SCYL3: variants seen among roughly 807,000 people sequenced by gnomAD.
SCYL3 encodes SCY1 like pseudokinase 3, also known as protein-associating with the carboxyl-terminal domain of ezrin.
In SCYL3, 35 loss-of-function variants were observed where a neutral mutation model predicts 73.8. The observed-to-expected ratio is 0.47, with a 90% CI of 0.36 to 0.63. The LOEUF is 0.63. Among genes scored for constraint, SCYL3 ranks in the 20% least tolerant of loss-of-function variants. SCYL3 has a pLI of 0.00. For synonymous variants in SCYL3, 277 were observed against 295.2 expected (o/e 0.94, Z 0.63); for missense variants, 712 against 798.9 (o/e 0.89, Z 1.31).
In SCYL3 at chr1:169,864,524, GAAAGCCC is replaced by G. The variant is rs765813478; in HGVS notation, c.816-23_816-17del. On this transcript the variant is annotated splice_polypyrimidine_tract_variant and intron_variant, in intron 8 of 12. Coordinates refer to ENST00000367771, the MANE Select transcript of SCYL3 (RefSeq NM_020423.7). ...CAGCAGAAATCTGAGGACAAAAAGGGAAAGCCCAGGAAACTGGTCATGACACTGTATC... is the reference window on the plus strand; with the variant it reads ...CAGCAGAAATCTGAGGACAAAAAGGGAGGAAACTGGTCATGACACTGTATC... 1.3e-6 allele frequency: 2 copies of G among 1,571,280 alleles called. No homozygotes were observed. Among genetic ancestry groups the G allele is most frequent in the Non-Finnish European group, 1.7e-6 (2 of 1,164,074 alleles).
intron 8 of SCYL3, among the ~76,000 whole-genome samples, chr1:169,866,365 T>C (rs1448157407): frequency 6.6e-6 from 1 of 152,236 alleles, no homozygotes; most frequent in African/African-American, 2.4e-5. Context: ...GAGAACAAAG[T>C]GATCCACCTA....
At chr1:169,874,570 G>A (rs185156855) in intron 4 of SCYL3, among the ~76,000 whole-genome samples, 3 of 152,156 alleles carry the variant, frequency 2.0e-5, no homozygotes, top group Non-Finnish European at 4.4e-5. Flanking sequence ...GAAGGAAGAA[G>A]GCATATGTGG....
chr1:169,877,766 A>G (rs1419739882), intron 3 of SCYL3, among the ~76,000 whole-genome samples: 1 of 152,228 alleles, frequency 6.6e-6, no homozygotes, highest in Non-Finnish European at 1.5e-5. Flanking sequence ...AACCATGTGT[A>G]TGCACTTTTG....
intron 11 of SCYL3, among the ~76,000 whole-genome samples, chr1:169,856,385 TA>T (rs1199452111): frequency 6.6e-6 from 1 of 152,196 alleles, no homozygotes. Context: ...GTTAAAATAA[TA>T]AATTTAAGCT....
At chr1:169,874,763 CA>C (rs1660678979) in intron 4 of SCYL3, among the ~76,000 whole-genome samples, 1 of 152,030 alleles carries the variant, frequency 6.6e-6, no homozygotes, top group Non-Finnish European at 1.5e-5. Context: ...CCATCTCTAC[CA>C]AAAATATAAA....
intron 2 of SCYL3, among the ~76,000 whole-genome samples, chr1:169,883,832 C>T (rs1661481104): frequency 6.6e-6 from 1 of 151,722 alleles, no homozygotes. Flanking sequence ...AATTCTCCTG[C>T]CTCAGCCTCC....
At chr1:169,886,116 T>G (rs1300677625) in intron 2 of SCYL3, among the ~76,000 whole-genome samples, 2 of 152,136 alleles carry the variant, frequency 1.3e-5, no homozygotes, top group Non-Finnish European at 1.5e-5. Flanking sequence ...GTAGAGGCTA[T>G]CCTGGCCAAC....
At position 169,852,930 on chromosome 1, in the gene SCYL3, G is replaced by A. The variant is rs752892954; in HGVS notation, c.*783C>T. The stretch of plus-strand genomic sequence containing the variant: ...CTCCAGCCTGGCTTTCAATGGAAAT[G>A]GAGGCGCTCCAAGAAAGGATGGATA... On this transcript the variant is annotated 3_prime_UTR_variant, in exon 13 of 13. Coordinates refer to ENST00000367771, the MANE Select transcript of SCYL3 (RefSeq NM_020423.7). The A allele has an allele frequency of 1.2e-6, 2 of 1,614,126 alleles. No individual in the cohort carries two copies. Among genetic ancestry groups the A allele is most frequent in the Admixed American group, 3.3e-5 (2 of 60,020 alleles).
Sources: gnomAD v4.1 joint callset for allele counts (sites outside exome capture counted in the v4.1 genomes callset) on GRCh38, gnomAD v4.1.1 for gene constraint, MANE v1.5 for transcripts, NCBI Gene and HGNC (gene_info 2026-07-23, HGNC 2026-07-21) for gene names.